The following ANXA11 variants were observed in gnomAD, a reference collection of about 807,000 sequenced individuals.
The protein encoded by ANXA11 is 56 kDa autoantigen.
Under a neutral mutation model 64.7 loss-of-function variants are expected in ANXA11, and 57 were observed. The ratio of observed to expected loss-of-function variants is 0.88; its 90% CI spans 0.71 to 1.10. The LOEUF (loss-of-function observed/expected upper bound fraction) is 1.10, where lower values mean the gene tolerates loss of function less well. Among genes scored for constraint, ANXA11 ranks in the 50% least tolerant of loss-of-function variants. The pLI, the probability that ANXA11 is intolerant of heterozygous loss-of-function variation, is 0.00. For missense variants in ANXA11, 675 were observed against 670.7 expected (o/e 1.01, Z -0.07); for synonymous variants, 260 against 265.2 (o/e 0.98, Z 0.19).
intron 15 of ANXA11, chr10:80,156,416 T>C (rs1483912036): frequency 1.1e-5 from 5 of 472,168 alleles, no homozygotes; most frequent in Admixed American, 4.7e-5. Context: ...TTTCTAATCA[T>C]TTCCTTCCAC....
rs983837884 is a variant in ANXA11 at position 80,186,546 on chromosome 10, G to A, written c.-57-10391C>T. Among the ~76,000 whole-genome samples the A allele has an allele frequency of 9.2e-5, 14 of 152,298 alleles. 1 individual carries two copies. The highest frequency in any genetic ancestry group is 8.3e-4 in the South Asian group (4 of 4,828). On this transcript the variant is annotated intron_variant, in intron 1 of 15. Transcript: ENST00000422982. ...AGACTGATGGTGGAGGGAGGCCACCGGGCAGGGAGATATGAAAGACCCTCG... is the reference window on the plus strand; with the variant it reads ...AGACTGATGGTGGAGGGAGGCCACCAGGCAGGGAGATATGAAAGACCCTCG...
intron 11 of ANXA11, 118 bp from the exon 12 acceptor site, chr10:80,162,146 C>A: frequency 1.2e-6 from 1 of 801,772 alleles, no homozygotes; most frequent in South Asian, 1.7e-5. Context: ...TGCCAATTTG[C>A]AACCTCTGAA....
chr10:80,176,981 C>CT (rs10699670), intron 1 of ANXA11, among the ~76,000 whole-genome samples: 59,008 of 140,120 alleles, frequency 0.42, 12,802 homozygotes, highest in South Asian at 0.55. Flanking sequence ...CTGCTCCCCA[C>CT]TTTTTTTTTT....
chr10:80,176,244 A>T (rs915323166), intron 1 of ANXA11, 89 bp from the exon 2 acceptor site: 2 of 152,224 alleles, frequency 1.3e-5, no homozygotes, highest in Admixed American at 1.3e-4. Context: ...GGTTAAATAA[A>T]CCACAACAGA....
At position 80,187,044 on chromosome 10, in the gene ANXA11, G is replaced by A. The variant is rs544223743; in HGVS notation, c.-57-10889C>T. Among the ~76,000 whole-genome samples, 4 of 152,350 alleles carry A rather than the reference G, an allele frequency of 2.6e-5. No individual in the cohort carries two copies. In the South Asian group the frequency reaches 8.3e-4, roughly 32 times the overall value. ...ATCTGGCTGCCTCGCAGGCCAGCAC[G>A]TGATGGGCACTCAGGTCCTGGAGGA... On this transcript the variant is annotated intron_variant, in intron 1 of 15. Transcript: ENST00000422982.
At chr10:80,188,172 CG>C (rs1385833270) in intron 1 of ANXA11, among the ~76,000 whole-genome samples, 1 of 151,908 alleles carries the variant, frequency 6.6e-6, no homozygotes, top group African/African-American at 2.4e-5. Context: ...CATCTTTTCA[CG>C]GCCCACACTC....
chr10:80,168,252 C>CCG, intron 5 of ANXA11, among the ~76,000 whole-genome samples: 1 of 95,166 alleles, frequency 1.1e-5, no homozygotes, highest in Middle Eastern at 5.7e-3. Context: ...CTGTCTGTGC[C>CCG]GGGGGGGGCG....
intron 8 of ANXA11, among the ~76,000 whole-genome samples, chr10:80,164,454 T>C (rs1480849822): frequency 6.6e-6 from 1 of 152,110 alleles, no homozygotes; most frequent in Non-Finnish European, 1.5e-5. Flanking sequence ...TGGGTTAAAA[T>C]GTGGACCGAG....
At chr10:80,204,355 CA>C (rs1840581949) in intron 1 of ANXA11, among the ~76,000 whole-genome samples, 1 of 152,252 alleles carries the variant, frequency 6.6e-6, no homozygotes, top group Admixed American at 6.5e-5. Flanking sequence ...ATGAGGAAAG[CA>C]ATGAGAGCCA....
chr10:80,179,277 C>A (rs1197426615), intron 1 of ANXA11, among the ~76,000 whole-genome samples: 1 of 152,152 alleles, frequency 6.6e-6, no homozygotes, highest in Non-Finnish European at 1.5e-5. Context: ...GAGGCCTCCC[C>A]AAGCAGATGC....
At chr10:80,176,274 T>C (rs1231460423) in intron 1 of ANXA11, 119 bp from the exon 2 acceptor site, 1 of 152,214 alleles carries the variant, frequency 6.6e-6, no homozygotes, top group African/African-American at 2.4e-5. Context: ...GGATACTCTG[T>C]AGCTATTTCT....
At chr10:80,160,009 G>C (rs989328258) in intron 12 of ANXA11, among the ~76,000 whole-genome samples, 1 of 152,210 alleles carries the variant, frequency 6.6e-6, no homozygotes, top group Admixed American at 6.5e-5. Context: ...GTGGATGGCT[G>C]GCTCCTAGAG....
chr10:80,177,536 T>C (rs1293806674), intron 1 of ANXA11, among the ~76,000 whole-genome samples: 1 of 152,122 alleles, frequency 6.6e-6, no homozygotes, highest in Non-Finnish European at 1.5e-5. Flanking sequence ...TCTCTCAGCT[T>C]TGTTTTACAT....
rs1323601916 is a variant in ANXA11 at position 80,164,126 on chromosome 10, T to G, written c.876A>C (p.Glu292Asp). The G allele has an allele frequency of 6.2e-7, 1 of 1,614,060 alleles. No individual in the cohort carries two copies. The highest frequency in any genetic ancestry group is 1.1e-5 in the South Asian group (1 of 91,078). Residue 292 changes from glutamate (E) to aspartate (D), a missense_variant, in exon 9 of 16, where the codon GAA becomes GAC. By Grantham distance (45) the Glu-to-Asp change is conservative. Transcript: ENST00000422982. ...KEAIKGVGTDEACLIEILASR... is the reference protein window; with the variant it reads ...KEAIKGVGTDDACLIEILASR... ...AAGCGAGGATCTCAATCAGGCAGGC[T>G]TCATCAGTGCCAACCCCCTGCAGGG... is the stretch of plus-strand genomic sequence containing the variant.
At chr10:80,190,320 T>C (rs1265624506) in intron 1 of ANXA11, among the ~76,000 whole-genome samples, 1 of 152,206 alleles carries the variant, frequency 6.6e-6, no homozygotes, top group Non-Finnish European at 1.5e-5. Flanking sequence ...AAGCCACAAG[T>C]TTGTGGTAAT....
intron 3 of ANXA11, 190 bp from the exon 4 acceptor site, chr10:80,171,105 G>A: frequency 6.6e-7 from 1 of 1,506,632 alleles, no homozygotes; most frequent in Non-Finnish European, 8.8e-7. Context: ...CAGAGGAGGG[G>A]AAACCTTCCC....
chr10:80,185,490 G>T (rs1487778364), intron 1 of ANXA11, among the ~76,000 whole-genome samples: 1 of 152,162 alleles, frequency 6.6e-6, no homozygotes, highest in Non-Finnish European at 1.5e-5. Context: ...CCCCTTTCCA[G>T]GAAACTGCCA....
chr10:80,169,231 A>G lies in ANXA11; in HGVS notation c.299T>C (p.Val100Ala), dbSNP rs1845875606. 1 of 1,612,044 alleles carries G rather than the reference A, an allele frequency of 6.2e-7. No individual in the cohort carries two copies. Among genetic ancestry groups the G allele is most frequent in the African/African-American group, 1.3e-5 (1 of 74,956 alleles). Residue 100 changes from valine to alanine, a missense_variant, in exon 5 of 16, where the codon GTT (valine) becomes GCT (alanine). Val to Ala is a moderately conservative substitution (Grantham distance 64). Coordinates refer to ENST00000422982, the MANE Select transcript of ANXA11 (RefSeq NM_145868.2). ...FGQPPSAQQP[V>A]PPYGMYPPPG... ...GGGTGGATACATCCCATAGGGAGGA[A>G]CAGGCTGCTGGGCAGAGGGGGGCTG...
rs12770317 is a variant in ANXA11 at position 80,166,065 on chromosome 10, C to T, written c.858+19G>A. The T allele has an allele frequency of 6.7e-6, 8 of 1,192,838 alleles. 1 individual carries two copies. The Admixed American group carries it at 1.3e-4, about 20-fold the overall frequency. The allele number at this position is 1,192,838 out of a possible 1,614,324, so 73.9% of individuals were successfully genotyped here. A position where few individuals can be genotyped will look rare whatever the true frequency, so the allele number is the denominator to read the frequency against. On this transcript the variant is annotated intron_variant, in intron 8 of 15. Transcript: ENST00000422982. Reference sequence around the variant, plus strand: ...GCGCACACACACACACACACACACACACACACACACGTACACACCTTGATG... The same window carrying T: ...GCGCACACACACACACACACACACATACACACACACGTACACACCTTGATG...
Sources: gnomAD v4.1 joint callset for allele counts (sites outside exome capture counted in the v4.1 genomes callset) on GRCh38, gnomAD v4.1.1 for gene constraint, MANE v1.5 for transcripts, NCBI Gene and HGNC (gene_info 2026-07-23, HGNC 2026-07-21) for gene names.